COL5A2: variants seen among roughly 807,000 people sequenced by gnomAD.
The protein encoded by COL5A2 is collagen alpha-2(V) chain.
A neutral mutation model predicts 208.2 loss-of-function variants in COL5A2; 23 were observed. The observed-to-expected ratio is 0.11, with a 90% CI of 0.08 to 0.16. The LOEUF is 0.16. COL5A2 is among the 10% of genes least tolerant of loss of function. The pLI is 1.00. For synonymous variants in COL5A2, 625 were observed against 628.5 expected, an observed-to-expected ratio of 0.99 and a Z score of 0.08; for missense variants, 1,590 against 1,956.4, an observed-to-expected ratio of 0.81 and a Z score of 3.53.
the COL5A2 span, among the ~76,000 whole-genome samples, chr2:189,250,525 T>C: frequency 2.6e-5 from 4 of 152,172 alleles, no homozygotes; most frequent in Non-Finnish European, 5.9e-5. Context: ...GTGGCTAACA[T>C]TACTGATATT....
the COL5A2 span, among the ~76,000 whole-genome samples, chr2:189,296,293 T>C: frequency 1.3e-5 from 2 of 152,218 alleles, no homozygotes; most frequent in African/African-American, 4.8e-5. Context: ...TTTGTTTGTT[T>C]TTTTACAGTT....
chr2:189,103,674 C>T (rs1449618400), intron 3 of COL5A2, among the ~76,000 whole-genome samples: 1 of 152,022 alleles, frequency 6.6e-6, no homozygotes, highest in African/African-American at 2.4e-5. Context: ...TGCAGCCTAC[C>T]CTGTTTTCAA....
intron 1 of COL5A2, among the ~76,000 whole-genome samples, chr2:189,220,179 A>T (rs1452505831): frequency 6.6e-6 from 1 of 152,092 alleles, no homozygotes; most frequent in Non-Finnish European, 1.5e-5. Flanking sequence ...GGACAACAAG[A>T]CTTTTCTTAA....
chr2:189,101,329 T>TA (rs1687041854), intron 3 of COL5A2, among the ~76,000 whole-genome samples: 2 of 152,046 alleles, frequency 1.3e-5, no homozygotes, highest in Non-Finnish European at 1.5e-5. Context: ...GAAATATTTT[T>TA]TAAAAAACCC....
At chr2:189,049,306 C>G in intron 44 of COL5A2, 41 bp downstream of exon 44, 1 of 1,362,066 alleles carries the variant, frequency 7.3e-7, no homozygotes, top group Non-Finnish European at 1.0e-6. Context: ...TTCCATGACA[C>G]CAGATAACAA....
chr2:189,173,758 TAG>T (rs1688619484), intron 1 of COL5A2, among the ~76,000 whole-genome samples: 1 of 152,208 alleles, frequency 6.6e-6, no homozygotes, highest in African/African-American at 2.4e-5. Flanking sequence ...GTGAAAATTA[TAG>T]TTTCATGGAT....
chr2:189,078,654 GATTCAAGATAAT>G, intron 15 of COL5A2, 85 bp from the exon 16 acceptor site: 1 of 1,105,730 alleles, frequency 9.0e-7, no homozygotes, highest in Non-Finnish European at 1.4e-6. Flanking sequence ...ATCCAATTGA[GATTCAAGATAAT>G]TGGCCACCAA....
At chr2:189,361,071 C>T in the COL5A2 span, among the ~76,000 whole-genome samples, 3 of 151,336 alleles carry the variant, frequency 2.0e-5, no homozygotes, top group Non-Finnish European at 4.4e-5. Flanking sequence ...AATATGTGTA[C>T]TCAGCAGCTG....
intron 45 of COL5A2, among the ~76,000 whole-genome samples, chr2:189,046,558 T>A (rs1446413261): frequency 1.3e-5 from 2 of 152,180 alleles, no homozygotes; most frequent in East Asian, 3.9e-4. Context: ...CTCCTTTTTA[T>A]TTTATCCAGA....
intron 1 of COL5A2, among the ~76,000 whole-genome samples, chr2:189,191,039 G>T (rs1688916648): frequency 1.3e-5 from 2 of 151,570 alleles, no homozygotes; most frequent in South Asian, 4.2e-4. Flanking sequence ...AAGTCACAAG[G>T]AACTTGGAAA....
chr2:189,217,314 T>G (rs1689291418), intron 1 of COL5A2, among the ~76,000 whole-genome samples: 1 of 152,190 alleles, frequency 6.6e-6, no homozygotes. Flanking sequence ...CAGCAATGTG[T>G]GCACATAATC....
chr2:189,033,311 T>G lies in COL5A2; in HGVS notation c.*759A>C, dbSNP rs975083466. 6.5e-6 allele frequency: 1 copy of G among 152,706 alleles called. No homozygotes were observed. The highest frequency in any genetic ancestry group is 1.5e-5 in the Non-Finnish European group (1 of 68,100). The allele number at this position is 152,706 out of a possible 1,614,324, so 9.5% of individuals were successfully genotyped here. On this transcript the variant is annotated 3_prime_UTR_variant, in exon 54 of 54. Coordinates refer to ENST00000374866, the MANE Select transcript of COL5A2 (RefSeq NM_000393.5). ...TATACTAGTGTGACTTCTATCAATA[T>G]TGATAGATTGATCAAGAGGAGAAAG...
the COL5A2 span, among the ~76,000 whole-genome samples, chr2:189,291,732 AT>A: frequency 5.3e-5 from 8 of 151,512 alleles, no homozygotes; most frequent in South Asian, 1.0e-3. Flanking sequence ...TCTGGGTAAA[AT>A]TTTTTCTCAT....
intron 1 of COL5A2, among the ~76,000 whole-genome samples, chr2:189,205,983 A>T (rs1376895117): frequency 3.3e-5 from 5 of 152,202 alleles, no homozygotes; most frequent in Admixed American, 3.3e-4. Flanking sequence ...CCCATTTAAC[A>T]AACTGCTGTT....
At chr2:189,377,882 T>C in the COL5A2 span, among the ~76,000 whole-genome samples, 2 of 152,186 alleles carry the variant, frequency 1.3e-5, no homozygotes, top group South Asian at 4.1e-4. Flanking sequence ...TATTGAATAA[T>C]TTGTATTGAA....
chr2:189,101,193 C>T (rs1294513520), intron 3 of COL5A2, among the ~76,000 whole-genome samples: 1 of 151,978 alleles, frequency 6.6e-6, no homozygotes, highest in Non-Finnish European at 1.5e-5. Context: ...TTTAACATCT[C>T]TAAAATGTAG....
chr2:189,085,510 A>G (rs1686637167), intron 10 of COL5A2, among the ~76,000 whole-genome samples: 1 of 152,216 alleles, frequency 6.6e-6, no homozygotes, highest in African/African-American at 2.4e-5. Flanking sequence ...TTAAATTTAA[A>G]TAAATAAATT....
intron 1 of COL5A2, among the ~76,000 whole-genome samples, chr2:189,151,754 G>A (rs932965659): frequency 2.6e-5 from 4 of 152,120 alleles, no homozygotes; most frequent in Non-Finnish European, 5.9e-5. Context: ...AAACTCTGCT[G>A]TAATGGAGCC....
At position 189,204,112 on chromosome 2, in the gene COL5A2, T is replaced by G. The variant is rs1050689357; in HGVS notation, c.-42+21036A>C. Among the ~76,000 whole-genome samples the G allele has an allele frequency of 2.6e-5, 4 of 152,286 alleles. No homozygotes were observed. The East Asian group carries it at 7.7e-4, about 29-fold the overall frequency. ...CGGGGTTTCACAATGTTAGCCAGGA[T>G]GGTCTCGATCTCCTGACCTTGTGAT... On this transcript the variant is annotated intron_variant, in intron 1 of 10. Transcript: ENST00000649966.
Sources: gnomAD v4.1 joint callset for allele counts (sites outside exome capture counted in the v4.1 genomes callset) on GRCh38, gnomAD v4.1.1 for gene constraint, MANE v1.5 for transcripts, NCBI Gene and HGNC (gene_info 2026-07-23, HGNC 2026-07-21) for gene names.